The following EFCAB14 variants were observed in gnomAD, a reference collection of about 807,000 sequenced individuals.
EFCAB14 encodes EF-hand calcium-binding domain-containing protein 14.
In EFCAB14, 43 loss-of-function variants were observed where a neutral mutation model predicts 56.5. The ratio of observed to expected loss-of-function variants is 0.76; its 90% CI spans 0.60 to 0.98. The LOEUF (loss-of-function observed/expected upper bound fraction) is 0.98. Among genes scored for constraint, EFCAB14 ranks in the 50% least tolerant of loss-of-function variants. EFCAB14 has a pLI of 0.00. For missense variants in EFCAB14, 538 were observed against 580.3 expected, an observed-to-expected ratio of 0.93 and a Z score of 0.75; for synonymous variants, 235 against 212.9, an observed-to-expected ratio of 1.10 and a Z score of -0.90.
At chr1:46,679,611 T>TTTTG (rs1676757887) in intron 10 of EFCAB14, among the ~76,000 whole-genome samples, 1 of 119,736 alleles carries the variant, frequency 8.4e-6, no homozygotes, top group Non-Finnish European at 1.8e-5. Flanking sequence ...TTTTTTTTTT[T>TTTTG]TTTTTTTTTT....
At chr1:46,711,031 A>T (rs1228470148) in intron 2 of EFCAB14, among the ~76,000 whole-genome samples, 1 of 152,102 alleles carries the variant, frequency 6.6e-6, no homozygotes, top group Non-Finnish European at 1.5e-5. Context: ...CATTTTCTTC[A>T]TCCATCTGCT....
At chr1:46,711,407 A>G (rs1321001973) in intron 2 of EFCAB14, among the ~76,000 whole-genome samples, 1 of 152,214 alleles carries the variant, frequency 6.6e-6, no homozygotes, top group Non-Finnish European at 1.5e-5. Flanking sequence ...GGAAGAGGAA[A>G]TAGACAAATA....
intron 10 of EFCAB14, among the ~76,000 whole-genome samples, chr1:46,681,108 G>A (rs573119407): frequency 2.0e-5 from 3 of 152,044 alleles, no homozygotes; most frequent in South Asian, 4.2e-4. Flanking sequence ...CAGGGTGTGC[G>A]CTACCACGCC....
intron 4 of EFCAB14, among the ~76,000 whole-genome samples, chr1:46,694,728 G>C (rs1194983791): frequency 6.6e-6 from 1 of 152,144 alleles, no homozygotes; most frequent in African/African-American, 2.4e-5. Flanking sequence ...CCGTTACTGG[G>C]TATATACCCA....
intron 2 of EFCAB14, among the ~76,000 whole-genome samples, chr1:46,713,850 C>T (rs910925060): frequency 6.6e-6 from 1 of 152,092 alleles, no homozygotes; most frequent in Non-Finnish European, 1.5e-5. Flanking sequence ...ACCTAATTTC[C>T]AAGTTATGCT....
intron 2 of EFCAB14, among the ~76,000 whole-genome samples, chr1:46,709,488 T>C (rs188988441): frequency 4.4e-4 from 67 of 152,262 alleles, no homozygotes; most frequent in African/African-American, 1.6e-3. Context: ...ACTTAACACG[T>C]GGTACTGTAA....
Position 46,718,114 on chromosome 1 carries a change from C to T in EFCAB14, c.-27G>A, listed in dbSNP as rs759648457. 8.7e-6 allele frequency: 14 copies of T among 1,608,238 alleles called. 1 individual carries two copies. The highest frequency in any genetic ancestry group is 1.2e-5 in the Non-Finnish European group (14 of 1,176,164). Reference sequence around the variant, plus strand: ...TTTTTGTGTGGGGTGAGTGGAGCCCCGACTCCTGAGCTGCCAGGTTCGTAC... The same window carrying T: ...TTTTTGTGTGGGGTGAGTGGAGCCCTGACTCCTGAGCTGCCAGGTTCGTAC... On this transcript the variant is annotated 5_prime_UTR_variant, in exon 1 of 11. Transcript: ENST00000371933.
rs536087258 is a variant in EFCAB14 at position 46,712,199 on chromosome 1, G to A, written c.334+4096C>T. 2.6e-5 allele frequency among the ~76,000 whole-genome samples: 4 copies of A among 152,230 alleles called. No homozygotes were observed. In the East Asian group the frequency reaches 5.8e-4, roughly 22 times the overall value. Reference sequence around the variant, plus strand: ...GATACCTATATTCCCTAATGCCCTCGTTAGCACAAGACCATCTTTAACTTC... The same window carrying A: ...GATACCTATATTCCCTAATGCCCTCATTAGCACAAGACCATCTTTAACTTC... On this transcript the variant is annotated intron_variant, in intron 2 of 10. Transcript: ENST00000371933.
Position 46,686,844 on chromosome 1 carries a change from T to A in EFCAB14, c.1014A>T (p.Lys338Asn), listed in dbSNP as rs1217085909. ...TGGTGACTTGATCCAAAGACTGTCTTTTCAGAGTGGCAGATCTATCACCCA... is the reference window on the plus strand; with the variant it reads ...TGGTGACTTGATCCAAAGACTGTCTATTCAGAGTGGCAGATCTATCACCCA... The part of the protein sequence containing the change: ...SMMGDRSATL[K>N]RQSLDQVTNR... The change falls in exon 8 of 11, where the codon AAA (lysine) becomes AAT (asparagine). Residue 338 changes from lysine (K) to asparagine (N), a missense_variant. Physicochemically the swap from Lys to Asn is moderately conservative, Grantham distance 94 (BLOSUM62 0). Coordinates refer to ENST00000371933, the MANE Select transcript of EFCAB14 (RefSeq NM_014774.3). 1.2e-6 allele frequency: 2 copies of A among 1,613,680 alleles called. No homozygotes were observed. The highest frequency in any genetic ancestry group is 4.5e-5 in the East Asian group (2 of 44,878).
At chr1:46,715,201 A>G (rs1423634209) in intron 2 of EFCAB14, among the ~76,000 whole-genome samples, 1 of 152,216 alleles carries the variant, frequency 6.6e-6, no homozygotes, top group East Asian at 1.9e-4. Flanking sequence ...AACTTCTTTT[A>G]GATTACTGAC....
intron 4 of EFCAB14, among the ~76,000 whole-genome samples, chr1:46,694,465 GAC>G: frequency 6.6e-6 from 1 of 152,240 alleles, no homozygotes; most frequent in South Asian, 2.1e-4. Flanking sequence ...GCAGCCAACA[GAC>G]ACATGAAAAA....
intron 5 of EFCAB14, among the ~76,000 whole-genome samples, chr1:46,691,513 G>A (rs1676991805): frequency 2.0e-5 from 3 of 152,194 alleles, no homozygotes; most frequent in South Asian, 2.1e-4. Context: ...GCTTTGTTAT[G>A]TAGTAATAAA....
At chr1:46,681,729 A>G (rs1676798962) in intron 10 of EFCAB14, among the ~76,000 whole-genome samples, 1 of 151,514 alleles carries the variant, frequency 6.6e-6, no homozygotes, top group Non-Finnish European at 1.5e-5. Flanking sequence ...ACTTGGTAGC[A>G]GTATTCAAAT....
Position 46,677,191 on chromosome 1 carries a change from T to A in EFCAB14, c.*1270A>T, listed in dbSNP as rs112430936. The A allele has an allele frequency of 6.6e-6, 1 of 152,560 alleles. No homozygotes were observed. The highest frequency in any genetic ancestry group is 1.5e-5 in the Non-Finnish European group (1 of 68,040). The allele number at this position is 152,560 out of a possible 1,614,324, so 9.5% of individuals were successfully genotyped here. A position where few individuals can be genotyped will look rare whatever the true frequency, so the allele number is the denominator to read the frequency against. On this transcript the variant is annotated 3_prime_UTR_variant, in exon 11 of 11. Coordinates refer to ENST00000371933, the MANE Select transcript of EFCAB14 (RefSeq NM_014774.3). ...TCCACAGAAGCATTTAAAGGAAGTATTGTACTTGATTGTATTAGATTTGAA... is the reference window on the plus strand; with the variant it reads ...TCCACAGAAGCATTTAAAGGAAGTAATGTACTTGATTGTATTAGATTTGAA...
intron 4 of EFCAB14, among the ~76,000 whole-genome samples, chr1:46,695,944 C>T (rs1460654745): frequency 5.3e-4 from 80 of 152,166 alleles, no homozygotes; most frequent in Non-Finnish European, 8.8e-5. Context: ...CCTCCCAAAA[C>T]GTTGGGATTA....
chr1:46,684,572 T>C lies in EFCAB14; in HGVS notation c.1105A>G (p.Lys369Glu). ...KEDSSNSQVS[K>E]LREKLQLISA... ...ATCAGCTGGAGTTTCTCTCTTAGCT[T>C]GGATACCTGAGAATTTGAACTATCT... Residue 369 changes from lysine to glutamate, a missense_variant, in exon 9 of 11, where the codon AAG (lysine) becomes GAG (glutamate). Transcript: ENST00000371933. 6.2e-7 allele frequency: 1 copy of C among 1,614,130 alleles called. No individual in the cohort carries two copies. The highest frequency in any genetic ancestry group is 1.1e-5 in the South Asian group (1 of 91,078).
intron 2 of EFCAB14, among the ~76,000 whole-genome samples, chr1:46,708,750 T>C (rs1677267304): frequency 6.6e-6 from 1 of 152,182 alleles, no homozygotes; most frequent in African/African-American, 2.4e-5. Flanking sequence ...GATAAAAGAA[T>C]ATGCTAGGTG....
intron 2 of EFCAB14, among the ~76,000 whole-genome samples, chr1:46,716,035 G>T (rs527933407): frequency 4.6e-5 from 7 of 151,560 alleles, no homozygotes; most frequent in African/African-American, 4.8e-5. Context: ...ACCACCTGAG[G>T]TCAGTAGTTT....
chr1:46,684,483 G>A lies in EFCAB14; in HGVS notation c.1186+8C>T, dbSNP rs1676846454. On this transcript the variant is annotated splice_region_variant and intron_variant, in intron 9 of 10. Transcript: ENST00000371933. ...CATGAAATATTAAGAAGCCGGCTCTGCTCTCACCTTCATCGGCGGTCTCTG... is the reference window on the plus strand; with the variant it reads ...CATGAAATATTAAGAAGCCGGCTCTACTCTCACCTTCATCGGCGGTCTCTG... 6.2e-7 allele frequency: 1 copy of A among 1,610,754 alleles called. No individual in the cohort carries two copies. The highest frequency in any genetic ancestry group is 8.5e-7 in the Non-Finnish European group (1 of 1,177,112).
Sources: gnomAD v4.1 joint callset for allele counts (sites outside exome capture counted in the v4.1 genomes callset) on GRCh38, gnomAD v4.1.1 for gene constraint, MANE v1.5 for transcripts, NCBI Gene and HGNC (gene_info 2026-07-23, HGNC 2026-07-21) for gene names.